The following SSBP2 variants were observed in gnomAD, a reference collection of about 807,000 sequenced individuals.
The protein encoded by SSBP2 is single stranded DNA binding protein 2, also known as single-stranded DNA-binding protein 2.
In SSBP2, 17 loss-of-function variants were observed where a neutral mutation model predicts 61.8. The observed-to-expected ratio is 0.28, with a 90% CI of 0.19 to 0.41. The LOEUF (loss-of-function observed/expected upper bound fraction) is 0.41. SSBP2 is among the 10% of genes least tolerant of loss of function. SSBP2 has a pLI of 1.00. For synonymous variants in SSBP2, 139 were observed against 141.3 expected, an observed-to-expected ratio of 0.98 and a Z score of 0.12; for missense variants, 310 against 458.7, an observed-to-expected ratio of 0.68 and a Z score of 2.96.
intron 1 of SSBP2, among the ~76,000 whole-genome samples, chr5:81,673,119 G>C (rs1308506391): frequency 6.6e-6 from 1 of 152,142 alleles, no homozygotes; most frequent in Non-Finnish European, 1.5e-5. Context: ...GGAATTACAG[G>C]CATGAGCCAC....
chr5:81,673,992 T>C lies in SSBP2; in HGVS notation c.63-23653A>G, dbSNP rs948538439. 2.0e-5 allele frequency among the ~76,000 whole-genome samples: 3 copies of C among 152,150 alleles called. No homozygotes were observed. The East Asian group carries it at 5.8e-4, about 29-fold the overall frequency. On this transcript the variant is annotated intron_variant, in intron 1 of 16. Transcript: ENST00000320672. Reference sequence around the variant, plus strand: ...AGCTTTATATCCATTGAATAGAGGTTTGAACCAGATAACCTTTAAAATATC... The same window carrying C: ...AGCTTTATATCCATTGAATAGAGGTCTGAACCAGATAACCTTTAAAATATC...
chr5:81,506,604 A>G (rs1580866190), intron 5 of SSBP2, among the ~76,000 whole-genome samples: 1 of 152,202 alleles, frequency 6.6e-6, no homozygotes, highest in East Asian at 1.9e-4. Context: ...AGATAAGAGG[A>G]AAGGCAAACC....
intron 1 of SSBP2, among the ~76,000 whole-genome samples, chr5:81,658,187 T>C (rs1750389641): frequency 6.6e-6 from 1 of 152,198 alleles, no homozygotes; most frequent in South Asian, 2.1e-4. Flanking sequence ...CTAAATGAAC[T>C]TTTGTTATTT....
intron 1 of SSBP2, among the ~76,000 whole-genome samples, chr5:81,724,629 C>G (rs1755754365): frequency 6.6e-6 from 1 of 151,972 alleles, no homozygotes; most frequent in Non-Finnish European, 1.5e-5. Context: ...ACAGCCTATA[C>G]AAAGGTAAAC....
intron 4 of SSBP2, among the ~76,000 whole-genome samples, chr5:81,527,340 T>C (rs1356766078): frequency 1.2e-4 from 18 of 151,972 alleles, no homozygotes; most frequent in Admixed American, 1.2e-3. Flanking sequence ...GGAGAAGAAA[T>C]GCAGATGGAC....
intron 4 of SSBP2, among the ~76,000 whole-genome samples, chr5:81,540,327 C>T (rs554497127): frequency 6.6e-5 from 10 of 152,126 alleles, no homozygotes; most frequent in South Asian, 2.1e-4. Context: ...CACTGTCTTC[C>T]GCAATGGTTG....
intron 6 of SSBP2, among the ~76,000 whole-genome samples, chr5:81,485,902 C>T (rs1239703894): frequency 1.3e-5 from 2 of 152,098 alleles, no homozygotes; most frequent in Non-Finnish European, 2.9e-5. Context: ...AATTGAGAAA[C>T]CGTGTTTATG....
intron 3 of SSBP2, among the ~76,000 whole-genome samples, chr5:81,635,732 C>T (rs1748161342): frequency 2.0e-5 from 3 of 151,942 alleles, no homozygotes; most frequent in Admixed American, 6.6e-5. Flanking sequence ...TACAGGTGCC[C>T]GCCACCACGC....
intron 5 of SSBP2, among the ~76,000 whole-genome samples, chr5:81,501,262 TATATATACAC>T (rs1372987152): frequency 0.011 from 498 of 46,508 alleles, 64 homozygotes; most frequent in African/African-American, 0.03. Flanking sequence ...TATATATATA[TATATATACAC>T]ACACACACAC....
At chr5:81,641,116 G>A (rs940400570) in intron 2 of SSBP2, among the ~76,000 whole-genome samples, 21 of 152,128 alleles carry the variant, frequency 1.4e-4, no homozygotes, top group African/African-American at 4.8e-5. Context: ...CAGGGTGTGC[G>A]GGAGGTAGGA....
chr5:81,698,941 G>A (rs1459000016), intron 1 of SSBP2, among the ~76,000 whole-genome samples: 4 of 152,154 alleles, frequency 2.6e-5, no homozygotes, highest in Non-Finnish European at 5.9e-5. Context: ...AGCAACTGCA[G>A]GCATACTTCA....
At chr5:81,677,616 A>C (rs1196683115) in intron 1 of SSBP2, among the ~76,000 whole-genome samples, 1 of 152,166 alleles carries the variant, frequency 6.6e-6, no homozygotes, top group Non-Finnish European at 1.5e-5. Context: ...ACTAAGTATC[A>C]GAGAAAAATA....
chr5:81,574,092 G>C (rs1465682992), intron 4 of SSBP2, among the ~76,000 whole-genome samples: 1 of 152,070 alleles, frequency 6.6e-6, no homozygotes, highest in Non-Finnish European at 1.5e-5. Context: ...AGTGAGCCGA[G>C]ATCGCGCCAC....
rs576246086 is a variant in SSBP2, at chr5:81,445,326, T to C, written c.778+1542A>G. ...CACAGGATGAACACATAAAAGAGTA[T>C]GCAAAAAGACTAGGAAGATGTACTT... On this transcript the variant is annotated intron_variant, in intron 12 of 16. Transcript: ENST00000320672. 1.9e-3 allele frequency among the ~76,000 whole-genome samples: 285 copies of C among 150,922 alleles called. 2 individuals carry two copies. The highest frequency in any genetic ancestry group is 4.1e-3 in the Admixed American group (62 of 15,150).
At chr5:81,426,953 C>G (rs557915072) in intron 16 of SSBP2, among the ~76,000 whole-genome samples, 1 of 152,148 alleles carries the variant, frequency 6.6e-6, no homozygotes, top group Non-Finnish European at 1.5e-5. Flanking sequence ...TAATCTGACA[C>G]GTTTTAGTTA....
At chr5:81,723,872 G>C (rs912623670) in intron 1 of SSBP2, among the ~76,000 whole-genome samples, 1 of 151,914 alleles carries the variant, frequency 6.6e-6, no homozygotes, top group South Asian at 2.1e-4. Context: ...CCCCAGAGTT[G>C]AGGAAGGAGT....
chr5:81,675,915 G>T (rs756778051), intron 1 of SSBP2, among the ~76,000 whole-genome samples: 3 of 152,004 alleles, frequency 2.0e-5, no homozygotes, highest in African/African-American at 7.2e-5. Context: ...GTTACCTCAT[G>T]GTCTTCTCAT....
At chr5:81,717,653 T>C (rs1347792910) in intron 1 of SSBP2, among the ~76,000 whole-genome samples, 3 of 152,092 alleles carry the variant, frequency 2.0e-5, no homozygotes, top group Admixed American at 2.0e-4. Context: ...AAAACCAAGG[T>C]CCCCACAAAA....
At chr5:81,651,514 C>T (rs1749729905) in intron 1 of SSBP2, among the ~76,000 whole-genome samples, 1 of 152,062 alleles carries the variant, frequency 6.6e-6, no homozygotes, top group African/African-American at 2.4e-5. Flanking sequence ...GAGAGTAGAC[C>T]TGTTAAAGTT....
Sources: gnomAD v4.1 joint callset for allele counts (sites outside exome capture counted in the v4.1 genomes callset) on GRCh38, gnomAD v4.1.1 for gene constraint, MANE v1.5 for transcripts, NCBI Gene and HGNC (gene_info 2026-07-23, HGNC 2026-07-21) for gene names.